SP140: variants seen among roughly 807,000 people sequenced by gnomAD.
SP140 encodes the protein SP140 nuclear body protein.
A neutral mutation model predicts 125.0 loss-of-function variants in SP140; 81 were observed. The observed-to-expected ratio is 0.65, with a 90% confidence interval of 0.54 to 0.78. The LOEUF is 0.78. SP140 is among the 30% of genes least tolerant of loss of function. SP140 has a pLI of 0.00. For synonymous variants in SP140, 312 were observed against 354.0 expected, an observed-to-expected ratio of 0.88 and a Z score of 1.33; for missense variants, 858 against 1,037.0, an observed-to-expected ratio of 0.83 and a Z score of 2.37.
upstream of SP140, chr2:230,200,851 C>A (rs768081054): frequency 2.7e-6 from 4 of 1,476,944 alleles, no homozygotes; most frequent in Admixed American, 3.3e-5. Flanking sequence ...TTCCTGGTGA[C>A]TGTACTCTGA....
chr2:230,265,129 C>A (rs1452990794), intron 12 of SP140, among the ~76,000 whole-genome samples: 1 of 151,978 alleles, frequency 6.6e-6, no homozygotes, highest in Non-Finnish European at 1.5e-5. Flanking sequence ...TCTCGTTGGA[C>A]ATGTCTTGCT....
intron 8 of SP140, among the ~76,000 whole-genome samples, chr2:230,248,502 A>T (rs542256238): frequency 1.4e-4 from 22 of 152,270 alleles, no homozygotes; most frequent in African/African-American, 5.1e-4. Context: ...AAGGGAAATC[A>T]TGGAAACACA....
intron 1 of SP140, among the ~76,000 whole-genome samples, chr2:230,210,916 T>C (rs1361250477): frequency 1.3e-5 from 2 of 152,186 alleles, no homozygotes; most frequent in African/African-American, 2.4e-5. Flanking sequence ...AAAGTGAAAA[T>C]TCCCCACAGT....
At chr2:230,286,663 GA>G (rs1334455289) in intron 17 of SP140, among the ~76,000 whole-genome samples, 1 of 152,188 alleles carries the variant, frequency 6.6e-6, no homozygotes, top group East Asian at 1.9e-4. Flanking sequence ...CTACAACCTG[GA>G]TGTGAGTGAA....
At chr2:230,271,831 G>T (rs1163907265) in intron 15 of SP140, among the ~76,000 whole-genome samples, 2 of 152,134 alleles carry the variant, frequency 1.3e-5, no homozygotes, top group African/African-American at 2.4e-5. Context: ...AAACAACAAA[G>T]ACTTTTTGCC....
chr2:230,269,619 G>A lies in SP140; in HGVS notation c.1327+1G>A. 1 of 1,508,432 alleles carries A rather than the reference G, an allele frequency of 6.6e-7. No individual in the cohort carries two copies. The highest frequency in any genetic ancestry group is 9.0e-7 in the Non-Finnish European group (1 of 1,109,472). 93.4% of individuals were successfully genotyped at this position (1,508,432 alleles called of 1,614,324 possible). On this transcript the variant is annotated splice_donor_variant, in intron 13 of 26. Coordinates refer to ENST00000392045, the MANE Select transcript of SP140 (RefSeq NM_007237.5). LOFTEE classifies it high-confidence loss of function. ...AGCCTGCTATATGATAATGTACCAGGTAATTATGACTTAAAAATAGTGAAA... is the reference window on the plus strand; with the variant it reads ...AGCCTGCTATATGATAATGTACCAGATAATTATGACTTAAAAATAGTGAAA...
At chr2:230,240,035 G>T (rs1317560811) in intron 3 of SP140, among the ~76,000 whole-genome samples, 1 of 152,150 alleles carries the variant, frequency 6.6e-6, no homozygotes, top group South Asian at 2.1e-4. Context: ...TGAGGCTCAC[G>T]ACTGCCCACT....
rs1319805073 is a variant in SP140, at chr2:230,211,454, A to C, written c.-322-2200A>C. 2.6e-6 allele frequency: 4 copies of C among 1,531,234 alleles called. No individual in the cohort carries two copies. In the Admixed American group the frequency reaches 6.7e-5, roughly 26 times the overall value. 94.9% of individuals were successfully genotyped at this position (1,531,234 alleles called of 1,614,324 possible). ...GAAACAAAGGCAAGCTTTTAGGTTG[A>C]CCAAACCAAGATTACCTGGCATAGA... is the stretch of plus-strand genomic sequence containing the variant. On this transcript the variant is annotated intron_variant, in intron 1 of 4. Transcript: ENST00000456542. The surrounding 1 kb of genome is among the most constrained non-coding windows in gnomAD (Gnocchi z 4.2).
At chr2:230,289,440 T>A (rs2056864280) in intron 18 of SP140, among the ~76,000 whole-genome samples, 1 of 152,194 alleles carries the variant, frequency 6.6e-6, no homozygotes, top group South Asian at 2.1e-4. Flanking sequence ...TATTAGTCCA[T>A]CCTGGTCCTA....
chr2:230,216,859 GATCCCCAGCTTCTGGTGCA>G, intron 3 of SP140: 2 of 1,613,988 alleles, frequency 1.2e-6, no homozygotes, highest in Non-Finnish European at 1.7e-6. Context: ...TGGCATAGGC[GATCCCCAGCTTCTGGTGCA>G]TGAAGTGCTG....
At chr2:230,204,302 T>C (rs983207151) in intron 1 of SP140, among the ~76,000 whole-genome samples, 3 of 152,228 alleles carry the variant, frequency 2.0e-5, no homozygotes, top group Admixed American at 6.5e-5. Context: ...AATTGTATAG[T>C]TGCATAGACA....
chr2:230,196,476 C>T, the SP140 span, among the ~76,000 whole-genome samples: 116,088 of 151,896 alleles, frequency 0.76, 44,488 homozygotes, highest in Admixed American at 0.83. Flanking sequence ...CATACTTATA[C>T]AAAAATAAAG....
chr2:230,293,140 T>A (rs2057317839), intron 20 of SP140, among the ~76,000 whole-genome samples: 1 of 152,168 alleles, frequency 6.6e-6, no homozygotes, highest in Non-Finnish European at 1.5e-5. Flanking sequence ...CAGAATGCCA[T>A]GAAAACCAGA....
At chr2:230,219,923 G>C (rs1041915128) in intron 3 of SP140, 2 of 985,432 alleles carry the variant, frequency 2.0e-6, no homozygotes, top group Admixed American at 6.1e-5. Flanking sequence ...CTGGGACAGG[G>C]ATCACTCCTC....
At position 230,253,411 on chromosome 2, in the gene SP140, G is replaced by A. The variant is rs564750888; in HGVS notation, c.1153G>A (p.Gly385Arg). The A allele has an allele frequency of 4.7e-5, 75 of 1,596,274 alleles. No individual in the cohort carries two copies. In the South Asian group the frequency reaches 8.3e-4, roughly 18 times the overall value. ...EKELSLLPGE[G>R]EEGSDDCSEM... ...GGAGCTCAGTCTACTACCAGGTGAA[G>A]GAGAAGGTAATTATGATGTACATTT... is the stretch of plus-strand genomic sequence containing the variant. The change falls in exon 11 of 27, where the codon GGA (glycine) becomes AGA (arginine). Residue 385 changes from glycine to arginine, a missense_variant. Coordinates refer to ENST00000392045, the MANE Select transcript of SP140 (RefSeq NM_007237.5).
Position 230,268,406 on chromosome 2 carries a change from C to G in SP140, c.1241-1126C>G, listed in dbSNP as rs146026224. 1.9e-4 allele frequency among the ~76,000 whole-genome samples: 29 copies of G among 151,998 alleles called. No individual in the cohort carries two copies. In the East Asian group the frequency reaches 5.6e-3, roughly 29 times the overall value. On this transcript the variant is annotated intron_variant, in intron 12 of 26. Transcript: ENST00000392045. ...AGGCGTGGTGGCAGGCACCTGTAAT[C>G]CCAGCTACTTTGGGAGGCTGAGACA...
intron 3 of SP140, among the ~76,000 whole-genome samples, chr2:230,217,262 AAAAT>A (rs2045316000): frequency 6.6e-6 from 1 of 151,712 alleles, no homozygotes; most frequent in East Asian, 1.9e-4. Flanking sequence ...AAAAAAAAAA[AAAAT>A]AGAAGCAAAA....
intron 22 of SP140, among the ~76,000 whole-genome samples, chr2:230,300,055 C>T (rs891039827): frequency 4.6e-5 from 7 of 152,134 alleles, no homozygotes; most frequent in Admixed American, 2.6e-4. Flanking sequence ...GACAGGGGCT[C>T]ATGGGAGCTC....
intron 15 of SP140, among the ~76,000 whole-genome samples, chr2:230,274,440 G>T (rs967244373): frequency 6.6e-6 from 1 of 152,196 alleles, no homozygotes; most frequent in African/African-American, 2.4e-5. Context: ...AATAGAGCTG[G>T]ATGTGGAGAT....
Sources: gnomAD v4.1 joint callset for allele counts (sites outside exome capture counted in the v4.1 genomes callset) on GRCh38, gnomAD v4.1.1 for gene constraint, Gnocchi (gnomAD v3.1) non-coding constraint, MANE v1.5 for transcripts, NCBI Gene and HGNC (gene_info 2026-07-23, HGNC 2026-07-21) for gene names.